Variants in DOP1B observed in about 807,000 individuals in gnomAD.
DOP1B encodes the protein DOP1 leucine zipper like protein B, also known as protein DOP1B.
A neutral mutation model predicts 233.5 loss-of-function variants in DOP1B; 174 were observed. The observed-to-expected ratio is 0.75, with a 90% CI of 0.66 to 0.85. The LOEUF (loss-of-function observed/expected upper bound fraction) is 0.85. Ranked by LOEUF, DOP1B falls within the 40% of genes least tolerant of loss-of-function variation. DOP1B has a pLI of 0.00. For synonymous variants in DOP1B, 1,190 were observed against 1,185.6 expected (o/e 1.00, Z -0.08); for missense variants, 2,652 against 2,846.6 (o/e 0.93, Z 1.56).
In DOP1B at chr21:36,232,988, T is replaced by A. The variant is rs1481736583; in HGVS notation, c.2535T>A (p.Pro845=). 6.2e-7 allele frequency: 1 copy of A among 1,614,022 alleles called. No individual in the cohort carries two copies. ...MKRYKSSGHN[P]FFGKLQMVTV... is the part of the protein sequence containing the mutation. The stretch of plus-strand genomic sequence containing the variant: ...GCTATAAGAGCTCTGGACACAACCC[T>A]TTTTTTGGCAAGCTGCAGATGGTGA... Residue 845 remains proline, a synonymous_variant, in exon 15 of 37, where the codon CCT becomes CCA. Coordinates refer to ENST00000691173, the MANE Select transcript of DOP1B (RefSeq NM_001320714.2).
intron 2 of DOP1B, among the ~76,000 whole-genome samples, chr21:36,186,419 T>G (rs919693406): frequency 2.7e-5 from 4 of 149,174 alleles, no homozygotes; most frequent in Non-Finnish European, 4.4e-5. Context: ...GTGTAGAGGG[T>G]GTGTGTGTGT....
intron 2 of DOP1B, among the ~76,000 whole-genome samples, chr21:36,195,753 G>C (rs2066284034): frequency 6.6e-6 from 1 of 152,228 alleles, no homozygotes; most frequent in South Asian, 2.1e-4. Context: ...TATGAAAAGA[G>C]ATCTATCAGT....
intron 27 of DOP1B, 34 bp from the exon 28 acceptor site, chr21:36,276,987 T>C: frequency 6.2e-6 from 10 of 1,610,172 alleles, no homozygotes; most frequent in Non-Finnish European, 8.5e-6. Context: ...CCATCCATCA[T>C]AGTTAACATA....
At chr21:36,276,481 T>A (rs2067350238) in intron 27 of DOP1B, among the ~76,000 whole-genome samples, 1 of 151,958 alleles carries the variant, frequency 6.6e-6, no homozygotes, top group Non-Finnish European at 1.5e-5. Context: ...GAGTGAGCCA[T>A]GATCATGCCA....
chr21:36,235,446 T>C (rs565034038), intron 15 of DOP1B, among the ~76,000 whole-genome samples: 2 of 151,992 alleles, frequency 1.3e-5, no homozygotes, highest in Admixed American at 1.3e-4. Context: ...AAGGCCCGGC[T>C]CGGTGGCTCA....
At chr21:36,174,493 TAAATA>T (rs2066003208) in intron 2 of DOP1B, among the ~76,000 whole-genome samples, 1 of 151,996 alleles carries the variant, frequency 6.6e-6, no homozygotes, top group South Asian at 2.1e-4. Context: ...ACCAAAATAA[TAAATA>T]AATTAATAAA....
intron 2 of DOP1B, among the ~76,000 whole-genome samples, chr21:36,182,739 G>A (rs1029236245): frequency 6.6e-6 from 1 of 152,192 alleles, no homozygotes; most frequent in African/African-American, 2.4e-5. Context: ...TGAGGCAGGA[G>A]AATTGCTTGA....
At position 36,278,299 on chromosome 21, in the gene DOP1B, G is replaced by C. The variant is rs2067377940; in HGVS notation, c.5913G>C (p.Glu1971Asp). The change falls in exon 30 of 37, where the codon GAG becomes GAC. Residue 1971 changes from glutamate to aspartate, a missense_variant. Transcript: ENST00000691173. The stretch of plus-strand genomic sequence containing the variant: ...ACACAAAGCGAGCCTGGAGGAAGGA[G>C]GTCCTGGAGCTGTTTCTCGACCCCG... ...YAYTKRAWRK[E>D]VLELFLDPAF... The C allele has an allele frequency of 1.9e-6, 3 of 1,614,070 alleles. No individual in the cohort carries two copies. Among genetic ancestry groups the C allele is most frequent in the Non-Finnish European group, 2.5e-6 (3 of 1,180,022 alleles).
At chr21:36,211,686 T>C (rs759483042) in intron 6 of DOP1B, 35 bp downstream of exon 6, 1 of 1,601,462 alleles carries the variant, frequency 6.2e-7, no homozygotes, top group Non-Finnish European at 8.6e-7. Context: ...AAGTCACTGG[T>C]GTTTCCCAAG....
rs2065836837 is a variant in DOP1B at position 36,158,129 on chromosome 21, G to A, written c.-27+1186G>A. Among the ~76,000 whole-genome samples the A allele has an allele frequency of 2.6e-5, 4 of 152,022 alleles. No individual in the cohort carries two copies. The South Asian group carries it at 8.3e-4, about 32-fold the overall frequency. ...TTTGATTTTCTATGAAATTAAAAAT[G>A]GGTAAAGAGAGAGATTTCTTGCTGA... On this transcript the variant is annotated intron_variant, in intron 1 of 36. Transcript: ENST00000691173.
At chr21:36,292,079 C>T (rs368004980) in intron 35 of DOP1B, 25 bp from the exon 36 acceptor site, 8 of 1,577,870 alleles carry the variant, frequency 5.1e-6, no homozygotes, top group Non-Finnish European at 6.8e-6. Context: ...ACCAGCAGAC[C>T]TGACCTTCTG....
chr21:36,275,551 G>A (rs985242970), intron 27 of DOP1B, among the ~76,000 whole-genome samples: 4 of 151,790 alleles, frequency 2.6e-5, no homozygotes, highest in Admixed American at 1.3e-4. Flanking sequence ...TCCAGGAGGC[G>A]GAGGCTGCAG....
intron 2 of DOP1B, among the ~76,000 whole-genome samples, chr21:36,175,486 T>C (rs2066012698): frequency 6.6e-6 from 1 of 152,038 alleles, no homozygotes; most frequent in South Asian, 2.1e-4. Context: ...CTACTTTGAT[T>C]ACCTATTTAA....
chr21:36,198,019 C>CAAA (rs59815539), intron 2 of DOP1B, among the ~76,000 whole-genome samples: 19,599 of 107,924 alleles, frequency 0.18, 1,760 homozygotes, highest in Non-Finnish European at 0.24. Flanking sequence ...GACTCCGTCT[C>CAAA]AAAAAAAAAA....
chr21:36,237,320 C>T lies in DOP1B; in HGVS notation c.2681C>T (p.Thr894Ile), dbSNP rs1476274855. The change falls in exon 16 of 37, where the codon ACC becomes ATC. Residue 894 changes from threonine (T) to isoleucine (I), a missense_variant. Transcript: ENST00000691173. ...AAAGAGACCCGGGAGCATCACGTCA[C>T]CTGCGTAGAATTGTTCTACCGGCTG... ...LNKETREHHVTCVELFYRLHC... is the reference protein window; with the variant it reads ...LNKETREHHVICVELFYRLHC... 1.9e-6 allele frequency: 3 copies of T among 1,614,206 alleles called. No individual in the cohort carries two copies. Among genetic ancestry groups the T allele is most frequent in the South Asian group, 2.2e-5 (2 of 91,088 alleles).
chr21:36,215,675 G>A lies in DOP1B; in HGVS notation c.1129+1119G>A, dbSNP rs192009033. 9.3e-3 allele frequency among the ~76,000 whole-genome samples: 1,403 copies of A among 150,536 alleles called. 24 individuals carry two copies. The highest frequency in any genetic ancestry group is 0.031 in the African/African-American group (1,289 of 41,080). On this transcript the variant is annotated intron_variant, in intron 9 of 36. Coordinates refer to ENST00000691173, the MANE Select transcript of DOP1B (RefSeq NM_001320714.2). ...CTGCCTCGGCCTCCCAAAGTGCTGG[G>A]ATTACAGGTGTGAGCCACTGCACCT... is the stretch of plus-strand genomic sequence containing the variant.
intron 17 of DOP1B, among the ~76,000 whole-genome samples, chr21:36,239,037 AG>A (rs1319385783): frequency 6.6e-6 from 1 of 152,114 alleles, no homozygotes. Flanking sequence ...CGGGAGGCAA[AG>A]GTTGCAGTGA....
Position 36,231,033 on chromosome 21 carries a change from T to A in DOP1B, c.2249T>A (p.Phe750Tyr). 1 of 1,614,144 alleles carries A rather than the reference T, an allele frequency of 6.2e-7. No individual in the cohort carries two copies. Among genetic ancestry groups the A allele is most frequent in the African/African-American group, 1.3e-5 (1 of 75,050 alleles). ...TCCAGGGAGGAACGCAGGGAGGCCT[T>A]TGCCGCCGCCTGCCACCTGCTGCTG... ...GGSREERREA[F>Y]AAACHLLLDC... Residue 750 changes from phenylalanine to tyrosine, a missense_variant, in exon 14 of 37, where the codon TTT becomes TAT. By Grantham distance (22) the Phe-to-Tyr change is conservative. Around this residue, in one of 3 missense-constraint regions of DOP1B, gnomAD observed 2,617 missense variants for 2,794.3 expected, o/e 0.94. Coordinates refer to ENST00000691173, the MANE Select transcript of DOP1B (RefSeq NM_001320714.2).
intron 2 of DOP1B, among the ~76,000 whole-genome samples, chr21:36,165,995 G>A (rs530896093): frequency 3.5e-4 from 53 of 151,548 alleles, no homozygotes; most frequent in African/African-American, 9.7e-4. Flanking sequence ...GGGGTCACAG[G>A]CGTGAGCCAC....
Sources: allele counts gnomAD v4.1 joint callset (sites outside exome capture counted in the v4.1 genomes callset), GRCh38; gene constraint gnomAD v4.1.1; regional missense constraint gnomAD v4.1.1; transcripts MANE v1.5; gene names NCBI Gene and HGNC (gene_info 2026-07-23, HGNC 2026-07-21).